The following PKHD1 variants were observed in gnomAD, a reference collection of about 807,000 sequenced individuals.
PKHD1 encodes PKHD1 ciliary IPT domain containing fibrocystin/polyductin.
Under a neutral mutation model 412.0 loss-of-function variants are expected in PKHD1, and 291 were observed. The observed-to-expected ratio is 0.71, with a 90% CI of 0.64 to 0.78. The LOEUF (loss-of-function observed/expected upper bound fraction) is 0.78. Among genes scored for constraint, PKHD1 ranks in the 30% least tolerant of loss-of-function variants. The probability of loss-of-function intolerance (pLI) is 0.00; values close to 1 mark genes in which losing one functional copy is unlikely to be tolerated. For missense variants in PKHD1, 4,825 were observed against 4,950.7 expected, an observed-to-expected ratio of 0.97 and a Z score of 0.76; for synonymous variants, 1,777 against 1,821.5, an observed-to-expected ratio of 0.98 and a Z score of 0.62.
intron 36 of PKHD1, among the ~76,000 whole-genome samples, chr6:51,958,128 C>G (rs1280223997): frequency 6.6e-6 from 1 of 152,064 alleles, no homozygotes; most frequent in Non-Finnish European, 1.5e-5. Flanking sequence ...CAGCGTTTCA[C>G]TCTAGGTAGC....
rs201980627 is a variant in PKHD1, at chr6:52,082,554, G to A, written c.131-12C>T. ...ACCCAACTCCAAACCTAACACAAGG[G>A]AAAGAAATCTCAGGCTGCATAGAAT... On this transcript the variant is annotated splice_polypyrimidine_tract_variant and intron_variant, in intron 3 of 66. Transcript: ENST00000371117. The A allele has an allele frequency of 1.2e-5, 20 of 1,613,720 alleles. No homozygotes were observed. In the East Asian group the frequency reaches 3.8e-4, roughly 31 times the overall value.
intron 48 of PKHD1, 49 bp from the exon 49 acceptor site, chr6:51,856,119 C>T (rs780404022): frequency 9.3e-7 from 1 of 1,074,602 alleles, no homozygotes; most frequent in Non-Finnish European, 1.4e-6. Context: ...ATTATTTGCT[C>T]ATTCTGAATC....
chr6:51,726,781 TTCA>T (rs1782625914), intron 60 of PKHD1, among the ~76,000 whole-genome samples: 1 of 152,214 alleles, frequency 6.6e-6, no homozygotes, highest in Non-Finnish European at 1.5e-5. Flanking sequence ...CTTTTTTTAT[TTCA>T]ACTAAGACTA....
Position 51,618,799 on chromosome 6 carries a change from T to G in PKHD1, c.*282A>C. ...TCAGTATTACACCATTATCAAGTTG[T>G]TAAAATCAGGCTTAAGTTAAAAACT... is the stretch of plus-strand genomic sequence containing the variant. On this transcript the variant is annotated 3_prime_UTR_variant, in exon 67 of 67. Coordinates refer to ENST00000371117, the MANE Select transcript of PKHD1 (RefSeq NM_138694.4). 1 of 459,166 alleles carries G rather than the reference T, an allele frequency of 2.2e-6. No individual in the cohort carries two copies. Among genetic ancestry groups the G allele is most frequent in the Non-Finnish European group, 4.0e-6 (1 of 249,638 alleles). The allele number at this position is 459,166 out of a possible 1,614,324, so 28.4% of individuals were successfully genotyped here.
Position 52,025,522 on chromosome 6 carries a change from T to C in PKHD1, c.4288A>G (p.Thr1430Ala). The change falls in exon 32 of 67, where the codon ACT becomes GCT. Residue 1430 changes from threonine (T) to alanine (A), a missense_variant. Transcript: ENST00000371117. ...SVRVDLSGPF[T>A]CVILSLGDHT... ...TCTCCCAAACTCAAAATCACACAAG[T>C]AAAAGGACCCGAGAGGTCAACCCGA... 1 of 1,613,892 alleles carries C rather than the reference T, an allele frequency of 6.2e-7. No homozygotes were observed. The highest frequency in any genetic ancestry group is 8.5e-7 in the Non-Finnish European group (1 of 1,179,888).
intron 60 of PKHD1, among the ~76,000 whole-genome samples, chr6:51,666,097 G>A (rs1419806125): frequency 6.6e-6 from 1 of 152,094 alleles, no homozygotes; most frequent in Non-Finnish European, 1.5e-5. Flanking sequence ...GTATAAAACA[G>A]TCATTGTGAA....
chr6:51,775,859 C>T lies in PKHD1; in HGVS notation c.8503G>A (p.Gly2835Arg), dbSNP rs771108371. ...KLLILLRASEGVFCDRMNGIH... is the reference protein window; with the variant it reads ...KLLILLRASERVFCDRMNGIH... ...CCATTCATACGGTCACAAAAGACTC[C>T]CTCTGAGGCTCTAAGGAGAATCAGA... The change falls in exon 54 of 67, where the codon GGA becomes AGA. Residue 2835 changes from glycine to arginine, a missense_variant. By Grantham distance (125) the Gly-to-Arg change is moderately radical. Coordinates refer to ENST00000371117, the MANE Select transcript of PKHD1 (RefSeq NM_138694.4). The T allele has an allele frequency of 4.1e-5, 65 of 1,601,136 alleles. No individual in the cohort carries two copies. The highest frequency in any genetic ancestry group is 5.4e-5 in the Non-Finnish European group (63 of 1,169,310).
chr6:52,045,187 A>G, intron 24 of PKHD1, 99 bp from the exon 25 acceptor site: 3 of 1,148,598 alleles, frequency 2.6e-6, no homozygotes, highest in Non-Finnish European at 3.9e-6. Context: ...GTTTCAGATA[A>G]TCAGACAGCT....
At chr6:51,996,553 C>G (rs959972562) in intron 35 of PKHD1, among the ~76,000 whole-genome samples, 1 of 152,106 alleles carries the variant, frequency 6.6e-6, no homozygotes, top group Non-Finnish European at 1.5e-5. Context: ...TAAAGTCCTG[C>G]GGGCCACTGA....
chr6:51,791,533 T>C (rs933289764), intron 52 of PKHD1, among the ~76,000 whole-genome samples, 160 bp from the exon 53 acceptor site: 3 of 152,200 alleles, frequency 2.0e-5, no homozygotes, highest in Admixed American at 6.5e-5. Flanking sequence ...AGCTAGGACT[T>C]ACTGAACAGG....
intron 59 of PKHD1, among the ~76,000 whole-genome samples, chr6:51,744,851 A>G (rs997779637): frequency 7.9e-5 from 12 of 152,134 alleles, no homozygotes; most frequent in Non-Finnish European, 4.4e-5. Context: ...ACATAATATA[A>G]TTATTTTTAG....
intron 50 of PKHD1, among the ~76,000 whole-genome samples, chr6:51,838,172 T>C (rs191124231): frequency 2.6e-4 from 40 of 152,376 alleles, no homozygotes; most frequent in Middle Eastern, 6.8e-3. Context: ...TTGTTCTCAA[T>C]TTAATAAATA....
At chr6:51,801,273 A>G (rs1762864453) in intron 52 of PKHD1, among the ~76,000 whole-genome samples, 1 of 152,206 alleles carries the variant, frequency 6.6e-6, no homozygotes, top group African/African-American at 2.4e-5. Flanking sequence ...ATACATAAAT[A>G]GTTCACAGAG....
chr6:51,939,244 C>A (rs1788069541), intron 36 of PKHD1, among the ~76,000 whole-genome samples: 1 of 151,126 alleles, frequency 6.6e-6, no homozygotes, highest in Non-Finnish European at 1.5e-5. Flanking sequence ...TCTCCTTCAC[C>A]CTTAGTGGCA....
intron 37 of PKHD1, among the ~76,000 whole-genome samples, chr6:51,921,133 T>C (rs923399279): frequency 6.6e-6 from 1 of 152,234 alleles, no homozygotes; most frequent in Non-Finnish European, 1.5e-5. Flanking sequence ...TCAGTTTTCC[T>C]CTGATCTTAG....
intron 4 of PKHD1, among the ~76,000 whole-genome samples, chr6:52,081,840 A>C (rs1186368849): frequency 6.6e-6 from 1 of 152,152 alleles, no homozygotes; most frequent in Non-Finnish European, 1.5e-5. Flanking sequence ...ACTTGCATGC[A>C]CTTTATTTAC....
At chr6:51,983,334 T>C (rs1429253164) in intron 35 of PKHD1, among the ~76,000 whole-genome samples, 1 of 152,236 alleles carries the variant, frequency 6.6e-6, no homozygotes, top group African/African-American at 2.4e-5. Context: ...AATCTCCTTT[T>C]ACATTAGTTT....
At chr6:52,035,343 G>T (rs1803769805) in intron 28 of PKHD1, among the ~76,000 whole-genome samples, 1 of 152,166 alleles carries the variant, frequency 6.6e-6, no homozygotes, top group South Asian at 2.1e-4. Context: ...AATACTTACT[G>T]ACAGTACAGA....
rs144399387 is a variant in PKHD1 at position 51,619,186 on chromosome 6, T to G, written c.12120A>C (p.Gln4040His). 1.4e-5 allele frequency: 22 copies of G among 1,614,120 alleles called. No homozygotes were observed. The Middle Eastern group carries it at 4.9e-4, about 36-fold the overall frequency. ...QLPGQSRLSK[Q>H]SGSLGLSQEK... is the part of the protein sequence containing the mutation. ...CTTGGGAAAGCCCCAAGCTGCCACT[T>G]TGCTTACTCAGCCGACTTTGCCCTG... Residue 4040 changes from glutamine (Q) to histidine (H), a missense_variant, in exon 67 of 67, where the codon CAA (glutamine) becomes CAC (histidine). Physicochemically the swap from Gln to His is conservative, Grantham distance 24. Coordinates refer to ENST00000371117, the MANE Select transcript of PKHD1 (RefSeq NM_138694.4).
Sources: allele counts gnomAD v4.1 joint callset (sites outside exome capture counted in the v4.1 genomes callset), GRCh38; gene constraint gnomAD v4.1.1; transcripts MANE v1.5; gene names NCBI Gene and HGNC (gene_info 2026-07-23, HGNC 2026-07-21).